STEEP1: variants seen among roughly 807,000 people sequenced by gnomAD.
STEEP1 encodes the protein STING ER exit protein.
In STEEP1, 3 loss-of-function variants were observed where a neutral mutation model predicts 19.2. The observed-to-expected ratio is 0.16, with a 90% CI of 0.07 to 0.40. STEEP1 has a LOEUF of 0.40. Ranked by LOEUF, STEEP1 falls within the 10% of genes least tolerant of loss-of-function variation. The pLI, the probability that STEEP1 is intolerant of heterozygous loss-of-function variation, is 0.99. For synonymous variants in STEEP1, 46 were observed against 63.7 expected (o/e 0.72, Z 1.32); for missense variants, 54 against 177.1 (o/e 0.30, Z 3.94).
intron 2 of STEEP1, among the ~76,000 whole-genome samples, chrX:119,553,779 T>C (rs764637357): frequency 9.8e-5 from 11 of 111,904 alleles, no homozygotes; most frequent in Non-Finnish European, 1.9e-4. Flanking sequence ...AGTTCAAGCT[T>C]TCAAAACACA....
In STEEP1 at chrX:119,560,288, C is replaced by T. The variant is rs1425200965; in HGVS notation, c.222G>A (p.Glu74=). Residue 74 remains glutamate, a synonymous_variant, in exon 2 of 7, where the codon GAG becomes GAA. Coordinates refer to ENST00000644802, the MANE Select transcript of STEEP1 (RefSeq NM_022101.4). ...HAHKFCNTED[E]ETMYLRRPEG... ...CTTACCTCCGCAGATACATAGTCTC[C>T]TCATCTTCTGTGTTACAAAACTTAT... The T allele has an allele frequency of 8.3e-7, 1 of 1,206,059 alleles. No homozygotes were observed. The highest frequency in any genetic ancestry group is 1.1e-6 in the Non-Finnish European group (1 of 890,267).
At chrX:119,548,483 G>A (rs1335986442) in intron 2 of STEEP1, among the ~76,000 whole-genome samples, 3 of 87,554 alleles carry the variant, frequency 3.4e-5, no homozygotes, top group African/African-American at 9.1e-5. Flanking sequence ...GCAGTGAACC[G>A]AGATTGCACC....
intron 2 of STEEP1, among the ~76,000 whole-genome samples, chrX:119,548,191 C>A (rs1385870015): frequency 1.9e-5 from 2 of 107,824 alleles, no homozygotes; most frequent in East Asian, 3.0e-4. Flanking sequence ...AACAAACAAA[C>A]AAAAAAACCA....
intron 1 of STEEP1, among the ~76,000 whole-genome samples, chrX:119,564,054 G>A (rs1272914550): frequency 9.0e-6 from 1 of 111,579 alleles, no homozygotes; most frequent in Non-Finnish European, 1.9e-5. Flanking sequence ...TGAACATCTG[G>A]GAGTTACCAG....
intron 6 of STEEP1, among the ~76,000 whole-genome samples, chrX:119,540,103 T>G (rs1355061160): frequency 8.9e-6 from 1 of 111,796 alleles, no homozygotes; most frequent in Non-Finnish European, 1.9e-5. Flanking sequence ...CATACCAGTA[T>G]GCTATTCTTG....
At chrX:119,539,972 C>T (rs770338201) in intron 6 of STEEP1, among the ~76,000 whole-genome samples, 183 bp from the exon 7 acceptor site, 8 of 111,687 alleles carry the variant, frequency 7.2e-5, no homozygotes, top group African/African-American at 2.3e-4. Context: ...ATAGCACATA[C>T]ACAAAAAATG....
chrX:119,554,216 G>A (rs773884214), intron 2 of STEEP1, among the ~76,000 whole-genome samples: 2 of 111,371 alleles, frequency 1.8e-5, no homozygotes, highest in African/African-American at 3.3e-5. Flanking sequence ...AGGCCAAGGC[G>A]GGTGGATCAT....
chrX:119,543,639 C>T (rs1311177787), intron 4 of STEEP1, among the ~76,000 whole-genome samples: 1 of 109,073 alleles, frequency 9.2e-6, no homozygotes, highest in Non-Finnish European at 1.9e-5. Flanking sequence ...AATACCATCA[C>T]ACCCAGCCAA....
intron 2 of STEEP1, among the ~76,000 whole-genome samples, chrX:119,557,767 C>G (rs1450744907): frequency 1.8e-5 from 2 of 111,109 alleles, no homozygotes; most frequent in Non-Finnish European, 3.8e-5. Flanking sequence ...ACGCCAAAAA[C>G]CAGGAATGAG....
chrX:119,560,751 T>A (rs184339462), intron 1 of STEEP1, among the ~76,000 whole-genome samples: 1 of 111,787 alleles, frequency 8.9e-6, no homozygotes, highest in Admixed American at 9.6e-5. Flanking sequence ...GTTTGTGTTA[T>A]AATGCATTAG....
intron 2 of STEEP1, among the ~76,000 whole-genome samples, chrX:119,550,914 C>T (rs1341370967): frequency 9.0e-6 from 1 of 111,053 alleles, no homozygotes; most frequent in African/African-American, 3.3e-5. Flanking sequence ...TCACCCACCT[C>T]GGCCTCCCAA....
chrX:119,565,073 G>T (rs770987298), intron 1 of STEEP1, 159 bp downstream of exon 1: 14 of 861,478 alleles, frequency 1.6e-5, no homozygotes, highest in Non-Finnish European at 2.2e-5. Context: ...AAAATGCCCT[G>T]GAGTGGGGCG....
chrX:119,552,541 C>T (rs1412556863), intron 2 of STEEP1, among the ~76,000 whole-genome samples: 1 of 112,267 alleles, frequency 8.9e-6, no homozygotes, highest in African/African-American at 3.2e-5. Context: ...GCTTCCATGC[C>T]CTCCCTGGAC....
intron 1 of STEEP1, among the ~76,000 whole-genome samples, chrX:119,564,097 T>C (rs2053340089): frequency 9.0e-6 from 1 of 111,079 alleles, no homozygotes; most frequent in Non-Finnish European, 1.9e-5. Flanking sequence ...TGGGAATGAA[T>C]GAGATCACCT....
chrX:119,557,478 C>CAAAAAAA (rs55913451), intron 2 of STEEP1, among the ~76,000 whole-genome samples: 10 of 68,866 alleles, frequency 1.5e-4, no homozygotes, highest in Non-Finnish European at 2.5e-4. Flanking sequence ...CACACCATCT[C>CAAAAAAA]AAAAAAAAAA....
At chrX:119,562,030 C>T (rs937007578) in intron 1 of STEEP1, among the ~76,000 whole-genome samples, 2 of 112,592 alleles carry the variant, frequency 1.8e-5, no homozygotes, top group Admixed American at 9.4e-5. Context: ...TCGATAAATA[C>T]GTGAGGGCCC....
chrX:119,558,188 C>T (rs1484300281), intron 2 of STEEP1, among the ~76,000 whole-genome samples: 2 of 111,407 alleles, frequency 1.8e-5, no homozygotes, highest in Admixed American at 9.6e-5. Flanking sequence ...GGATTACAGG[C>T]GTGAGCCACC....
At chrX:119,554,698 A>G (rs758575208) in intron 2 of STEEP1, among the ~76,000 whole-genome samples, 8 of 111,841 alleles carry the variant, frequency 7.2e-5, no homozygotes, top group Non-Finnish European at 1.5e-4. Context: ...TCATGAGGAT[A>G]CTCAAGCAGC....
At chrX:119,561,496 G>A (rs988638962) in intron 1 of STEEP1, among the ~76,000 whole-genome samples, 7 of 109,736 alleles carry the variant, frequency 6.4e-5, no homozygotes, top group African/African-American at 1.7e-4. Flanking sequence ...TAGCGAAACC[G>A]TCTCTACTAA....
Sources: allele counts gnomAD v4.1 joint callset (sites outside exome capture counted in the v4.1 genomes callset), GRCh38; gene constraint gnomAD v4.1.1; transcripts MANE v1.5; gene names NCBI Gene and HGNC (gene_info 2026-07-23, HGNC 2026-07-21).